EPHX4: variants seen among roughly 807,000 people sequenced by gnomAD.
EPHX4 encodes abhydrolase domain containing 7.
A neutral mutation model predicts 44.9 loss-of-function variants in EPHX4; 31 were observed. That is an observed-to-expected ratio of 0.69 (90% CI 0.52 to 0.93). EPHX4 has a LOEUF of 0.93. EPHX4 is among the 40% of genes least tolerant of loss of function. The pLI is 0.00. For missense variants in EPHX4, 373 were observed against 438.1 expected (o/e 0.85, Z 1.33); for synonymous variants, 151 against 159.7 (o/e 0.95, Z 0.41).
chr1:92,049,261 C>T (rs1020774418), intron 4 of EPHX4, among the ~76,000 whole-genome samples: 3 of 152,088 alleles, frequency 2.0e-5, no homozygotes, highest in African/African-American at 4.8e-5. Flanking sequence ...GGATGTTCTC[C>T]GTAGATCTTT....
intron 2 of EPHX4, among the ~76,000 whole-genome samples, chr1:92,040,646 A>G (rs1688497345): frequency 6.6e-6 from 1 of 151,574 alleles, no homozygotes; most frequent in African/African-American, 2.4e-5. Context: ...TTTTTTGTAG[A>G]GACAGGGTTT....
At chr1:92,050,637 A>G (rs1387734919) in intron 5 of EPHX4, among the ~76,000 whole-genome samples, 3 of 152,062 alleles carry the variant, frequency 2.0e-5, no homozygotes, top group African/African-American at 7.2e-5. Flanking sequence ...CTGTGCCCCT[A>G]TGGGCATACC....
chr1:92,062,483 G>C (rs1016026952), intron 6 of EPHX4, among the ~76,000 whole-genome samples: 1 of 151,164 alleles, frequency 6.6e-6, no homozygotes, highest in African/African-American at 2.4e-5. Context: ...TACTCAGGAG[G>C]CTGAGGAAGG....
intron 2 of EPHX4, among the ~76,000 whole-genome samples, chr1:92,036,341 A>G (rs868598339): frequency 2.6e-5 from 4 of 152,188 alleles, no homozygotes; most frequent in South Asian, 4.1e-4. Flanking sequence ...TTTCACAGTC[A>G]TGTCTCATTA....
At position 92,030,328 on chromosome 1, in the gene EPHX4, C is replaced by G; in HGVS notation, c.231+18C>G. On this transcript the variant is annotated intron_variant, in intron 1 of 6. Transcript: ENST00000370383. ...GGATCAAGGTGAAGGGCCGCGCGGGCCTGGCGGGAGCGGGAGGGAGCGTGA... is the reference window on the plus strand; with the variant it reads ...GGATCAAGGTGAAGGGCCGCGCGGGGCTGGCGGGAGCGGGAGGGAGCGTGA... The G allele has an allele frequency of 6.7e-7, 1 of 1,501,832 alleles. No individual in the cohort carries two copies. Among genetic ancestry groups the G allele is most frequent in the Middle Eastern group, 1.8e-4 (1 of 5,650 alleles). 93.0% of individuals were successfully genotyped at this position (1,501,832 alleles called of 1,614,324 possible). A position where few individuals can be genotyped will look rare whatever the true frequency, so the allele number is the denominator to read the frequency against.
chr1:92,042,915 T>C lies in EPHX4; in HGVS notation c.410T>C (p.Ile137Thr). The change falls in exon 3 of 7, where the codon ATT becomes ACT. Residue 137 changes from isoleucine (I) to threonine (T), a missense_variant. Coordinates refer to ENST00000370383, the MANE Select transcript of EPHX4 (RefSeq NM_173567.5). The part of the protein sequence containing the change: ...LRGYGETDAP[I>T]HRQNYKLDCL... Reference sequence around the variant, plus strand: ...GGTTATGGAGAAACAGATGCTCCCATTCATCGACAGAATTATAAATTGGAT... The same window carrying C: ...GGTTATGGAGAAACAGATGCTCCCACTCATCGACAGAATTATAAATTGGAT... The C allele has an allele frequency of 6.2e-7, 1 of 1,613,028 alleles. No individual in the cohort carries two copies. Among genetic ancestry groups the C allele is most frequent in the Non-Finnish European group, 8.5e-7 (1 of 1,179,206 alleles).
At chr1:92,058,093 A>C (rs1367378514) in intron 6 of EPHX4, among the ~76,000 whole-genome samples, 1 of 152,224 alleles carries the variant, frequency 6.6e-6, no homozygotes, top group African/African-American at 2.4e-5. Flanking sequence ...ATAAAATATC[A>C]AAATGAATTC....
At chr1:92,050,196 C>G (rs1190712652) in intron 4 of EPHX4, 121 bp from the exon 5 acceptor site, 3 of 630,570 alleles carry the variant, frequency 4.8e-6, no homozygotes, top group African/African-American at 3.9e-5. Context: ...TCCAAAGAAG[C>G]CTTACTTATG....
At chr1:92,032,297 G>C (rs1463780470) in intron 1 of EPHX4, among the ~76,000 whole-genome samples, 1 of 151,954 alleles carries the variant, frequency 6.6e-6, no homozygotes, top group African/African-American at 2.4e-5. Flanking sequence ...TAGGTCATGG[G>C]GTTTGCTTTT....
intron 1 of EPHX4, among the ~76,000 whole-genome samples, chr1:92,031,494 AGT>A (rs1319374246): frequency 2.6e-5 from 4 of 152,302 alleles, no homozygotes; most frequent in Non-Finnish European, 5.9e-5. Flanking sequence ...CAGAGAACCG[AGT>A]GGAAAGAGCA....
intron 6 of EPHX4, among the ~76,000 whole-genome samples, chr1:92,055,273 A>C (rs1229763538): frequency 6.6e-6 from 1 of 152,186 alleles, no homozygotes; most frequent in Non-Finnish European, 1.5e-5. Context: ...TTTTAAAAGA[A>C]TCCATCTATA....
intron 1 of EPHX4, among the ~76,000 whole-genome samples, chr1:92,031,638 A>G (rs901940838): frequency 3.3e-5 from 5 of 152,178 alleles, no homozygotes; most frequent in South Asian, 4.1e-4. Flanking sequence ...CTGAAAACTC[A>G]GTTGCTTGAG....
Position 92,052,633 on chromosome 1 carries a change from A to G in EPHX4, c.832A>G (p.Ile278Val). Residue 278 changes from isoleucine (I) to valine (V), a missense_variant, in exon 6 of 7, where the codon ATT becomes GTT. Coordinates refer to ENST00000370383, the MANE Select transcript of EPHX4 (RefSeq NM_173567.5). ...FSQPGALSGPINHYRNIFSCL... is the reference protein window; with the variant it reads ...FSQPGALSGPVNHYRNIFSCL... Reference sequence around the variant, plus strand: ...TCAGCCTGGAGCATTAAGTGGCCCAATTAACCATTACCGAAATATCTTCAG... The same window carrying G: ...TCAGCCTGGAGCATTAAGTGGCCCAGTTAACCATTACCGAAATATCTTCAG... The G allele has an allele frequency of 2.5e-6, 4 of 1,608,024 alleles. No homozygotes were observed. Among genetic ancestry groups the G allele is most frequent in the Non-Finnish European group, 1.7e-6 (2 of 1,178,534 alleles).
chr1:92,052,456 G>C, intron 5 of EPHX4, 54 bp from the exon 6 acceptor site: 1 of 1,508,668 alleles, frequency 6.6e-7, no homozygotes, highest in South Asian at 1.3e-5. Context: ...CAAAGACTTA[G>C]CTTATTATTA....
rs977535915 is a variant in EPHX4 at position 92,063,411 on chromosome 1, A to G, written c.*125A>G. On this transcript the variant is annotated 3_prime_UTR_variant, in exon 7 of 7. Transcript: ENST00000370383. ...TTAATGTGCTTTATCATAAATAAAT[A>G]TCCTGACAAATGGTATTGAAAAAAA... is the stretch of plus-strand genomic sequence containing the variant. The G allele has an allele frequency of 1.5e-6, 1 of 651,950 alleles. No individual in the cohort carries two copies. Among genetic ancestry groups the G allele is most frequent in the Non-Finnish European group, 2.4e-6 (1 of 410,894 alleles). The allele number at this position is 651,950 out of a possible 1,614,324, so 40.4% of individuals were successfully genotyped here. A position where few individuals can be genotyped will look rare whatever the true frequency, so the allele number is the denominator to read the frequency against.
At chr1:92,058,634 G>C (rs1288904094) in intron 6 of EPHX4, among the ~76,000 whole-genome samples, 1 of 151,968 alleles carries the variant, frequency 6.6e-6, no homozygotes, top group Admixed American at 6.6e-5. Context: ...TCTGCTGAAG[G>C]GGTATTTCTG....
intron 1 of EPHX4, among the ~76,000 whole-genome samples, 175 bp downstream of exon 1, chr1:92,030,485 T>TGTGTGTGTGTGTGTGTGTGTGTGA (rs1326928763): frequency 6.4e-4 from 89 of 138,688 alleles, no homozygotes; most frequent in Non-Finnish European, 8.9e-4. Context: ...TGTGTGTGTG[T>TGTGTGTGTGTGTGTGTGTGTGTGA]GAGAGAGAGA....
intron 2 of EPHX4, among the ~76,000 whole-genome samples, chr1:92,037,653 A>C (rs1365397383): frequency 3.3e-5 from 5 of 152,196 alleles, no homozygotes; most frequent in Non-Finnish European, 5.9e-5. Context: ...AGAAGCTGAC[A>C]ACTGTGGCAT....
intron 2 of EPHX4, among the ~76,000 whole-genome samples, chr1:92,036,230 C>G (rs1033269162): frequency 6.6e-6 from 1 of 152,184 alleles, no homozygotes; most frequent in Non-Finnish European, 1.5e-5. Flanking sequence ...CACCTCTTTA[C>G]GTGCAGAACA....
Sources: allele counts gnomAD v4.1 joint callset (sites outside exome capture counted in the v4.1 genomes callset), GRCh38; gene constraint gnomAD v4.1.1; transcripts MANE v1.5; gene names NCBI Gene and HGNC (gene_info 2026-07-23, HGNC 2026-07-21).